Variants in FER observed in about 807,000 individuals in gnomAD.
FER encodes FER tyrosine kinase.
In FER, 63 loss-of-function variants were observed where a neutral mutation model predicts 111.0. The ratio of observed to expected loss-of-function variants is 0.57; its 90% CI spans 0.46 to 0.70. The LOEUF (loss-of-function observed/expected upper bound fraction) is 0.70. FER is among the 30% of genes least tolerant of loss of function. The pLI is 0.00. For missense variants in FER, 914 were observed against 954.0 expected, an observed-to-expected ratio of 0.96 and a Z score of 0.55; for synonymous variants, 327 against 313.9, an observed-to-expected ratio of 1.04 and a Z score of -0.44.
intron 9 of FER, among the ~76,000 whole-genome samples, chr5:108,890,669 A>G (rs1463861413): frequency 6.6e-6 from 1 of 152,018 alleles, no homozygotes; most frequent in Non-Finnish European, 1.5e-5. Context: ...TACATCTGAA[A>G]CAACCCTGTT....
Position 109,100,635 on chromosome 5 carries a change from C to T in FER, c.2048+116C>T, listed in dbSNP as rs576336443. 50 of 1,093,504 alleles carry T rather than the reference C, an allele frequency of 4.6e-5. No individual in the cohort carries two copies. The African/African-American group carries it at 6.3e-4, about 14-fold the overall frequency. The allele number at this position is 1,093,504 out of a possible 1,614,324, so 67.7% of individuals were successfully genotyped here. A position where few individuals can be genotyped will look rare whatever the true frequency, so the allele number is the denominator to read the frequency against. ...CATGAAACATGTCTTTTCTTGTTTTCTGTATTTTGTGTGAAAGTGTCCTCT... is the reference window on the plus strand; with the variant it reads ...CATGAAACATGTCTTTTCTTGTTTTTTGTATTTTGTGTGAAAGTGTCCTCT... On this transcript the variant is annotated intron_variant, in intron 17 of 19. Transcript: ENST00000281092.
chr5:109,030,415 A>G (rs550420458), intron 13 of FER, among the ~76,000 whole-genome samples: 24 of 152,302 alleles, frequency 1.6e-4, no homozygotes, highest in African/African-American at 5.3e-4. Context: ...ATGTTAGGAC[A>G]TCTTGGGTCC....
At chr5:108,890,252 CT>C (rs1370468994) in intron 9 of FER, among the ~76,000 whole-genome samples, 2 of 152,000 alleles carry the variant, frequency 1.3e-5, no homozygotes, top group Non-Finnish European at 2.9e-5. Flanking sequence ...ACTTTCATTC[CT>C]TTTTACTGTT....
Position 109,189,040 on chromosome 5 carries a change from G to C in FER, c.*1465G>C, listed in dbSNP as rs1032506113. On this transcript the variant is annotated 3_prime_UTR_variant, in exon 20 of 20. Coordinates refer to ENST00000281092, the MANE Select transcript of FER (RefSeq NM_005246.4). ...TCCCATTTCTACTTCCACCTTCATT[G>C]ACCATTATACTGCCCCCTGGACATT... is the stretch of plus-strand genomic sequence containing the variant. 1 of 152,146 alleles carries C rather than the reference G, an allele frequency of 6.6e-6. No individual in the cohort carries two copies. Among genetic ancestry groups the C allele is most frequent in the Non-Finnish European group, 1.5e-5 (1 of 68,044 alleles). 9.4% of individuals were successfully genotyped at this position (152,146 alleles called of 1,614,324 possible). A position where few individuals can be genotyped will look rare whatever the true frequency, so the allele number is the denominator to read the frequency against.
intron 3 of FER, among the ~76,000 whole-genome samples, chr5:108,817,089 G>A (rs931405013): frequency 9.4e-5 from 9 of 95,630 alleles, no homozygotes; most frequent in Non-Finnish European, 1.3e-4. Flanking sequence ...GGGCAACAGA[G>A]CAAGACACTG....
chr5:109,020,174 TTAAG>T (rs149231248), intron 13 of FER, among the ~76,000 whole-genome samples: 8,729 of 152,030 alleles, frequency 0.057, 374 homozygotes, highest in South Asian at 0.12. Flanking sequence ...AAAGGTAGTT[TTAAG>T]TATGAATTTC....
At chr5:108,790,050 G>T (rs544912451) in intron 2 of FER, among the ~76,000 whole-genome samples, 128 of 152,132 alleles carry the variant, frequency 8.4e-4, no homozygotes, top group African/African-American at 2.9e-3. Flanking sequence ...TATTCGTTGG[G>T]TGCAATGGCT....
chr5:108,936,080 G>C (rs1438767593), intron 10 of FER, among the ~76,000 whole-genome samples: 1 of 151,842 alleles, frequency 6.6e-6, no homozygotes, highest in South Asian at 2.1e-4. Flanking sequence ...TTTAAATTTC[G>C]GCTGCTTGAC....
At chr5:109,053,691 ATTTTTTTTT>A (rs544623578) in intron 16 of FER, among the ~76,000 whole-genome samples, 1 of 119,402 alleles carries the variant, frequency 8.4e-6, no homozygotes, top group Admixed American at 9.0e-5. Flanking sequence ...GTGGAGTTCT[ATTTTTTTTT>A]TTTTTTTTTT....
chr5:108,806,131 C>T (rs967633497), intron 3 of FER, among the ~76,000 whole-genome samples: 1 of 152,176 alleles, frequency 6.6e-6, no homozygotes, highest in Middle Eastern at 3.2e-3. Flanking sequence ...CCAGCCGTGA[C>T]TAAAAGGGGC....
intron 8 of FER, among the ~76,000 whole-genome samples, chr5:108,879,701 A>AAATAT: frequency 0.035 from 3,479 of 99,034 alleles, 121 homozygotes; most frequent in South Asian, 0.087. Context: ...ATTAAAAAAA[A>AAATAT]ATATATATAT....
chr5:108,855,513 C>T (rs890190814), intron 5 of FER, among the ~76,000 whole-genome samples: 3 of 144,322 alleles, frequency 2.1e-5, no homozygotes, highest in Non-Finnish European at 3.0e-5. Context: ...CCCAGCTACT[C>T]GGGAGGCTGA....
chr5:108,994,340 C>T (rs1280717449), intron 13 of FER, among the ~76,000 whole-genome samples: 7 of 152,100 alleles, frequency 4.6e-5, no homozygotes, highest in Admixed American at 3.9e-4. Flanking sequence ...CTAGCCAGTT[C>T]TCCCAGCACC....
intron 1 of FER, among the ~76,000 whole-genome samples, chr5:108,762,220 C>T (rs142020758): frequency 6.6e-6 from 1 of 152,138 alleles, no homozygotes; most frequent in Non-Finnish European, 1.5e-5. Flanking sequence ...GTGGCAGACA[C>T]CTATTTAACA....
chr5:108,897,256 C>T (rs898803671), intron 9 of FER, among the ~76,000 whole-genome samples: 3 of 152,100 alleles, frequency 2.0e-5, no homozygotes, highest in Non-Finnish European at 2.9e-5. Context: ...ATTTATTTTA[C>T]CCTAGGCACA....
intron 1 of FER, among the ~76,000 whole-genome samples, chr5:108,758,564 G>A (rs903667285): frequency 2.1e-4 from 32 of 152,126 alleles, no homozygotes; most frequent in Admixed American, 2.0e-3. Flanking sequence ...TTGGGTTCAG[G>A]AAGCCAAACA....
intron 16 of FER, among the ~76,000 whole-genome samples, chr5:109,057,142 C>T (rs1435428330): frequency 6.6e-6 from 1 of 152,138 alleles, no homozygotes; most frequent in African/African-American, 2.4e-5. Context: ...TGGGACTCTT[C>T]ATCTTTTGTC....
chr5:108,871,655 CTTT>C (rs1299328023), intron 7 of FER, among the ~76,000 whole-genome samples, 153 bp downstream of exon 7: 1 of 151,764 alleles, frequency 6.6e-6, no homozygotes, highest in African/African-American at 2.4e-5. Context: ...TTTAAAAGTT[CTTT>C]GTCAATGATG....
At chr5:108,912,703 A>G (rs760999540) in intron 10 of FER, among the ~76,000 whole-genome samples, 4 of 152,120 alleles carry the variant, frequency 2.6e-5, no homozygotes, top group Non-Finnish European at 5.9e-5. Flanking sequence ...ACTGGTTGTA[A>G]TCACAGACAT....
Sources: allele counts gnomAD v4.1 joint callset (sites outside exome capture counted in the v4.1 genomes callset), GRCh38; gene constraint gnomAD v4.1.1; transcripts MANE v1.5; gene names NCBI Gene and HGNC (gene_info 2026-07-23, HGNC 2026-07-21).